Variants in CNTN5 observed in about 807,000 individuals in gnomAD.
The protein encoded by CNTN5 is contactin-5.
Under a neutral mutation model 129.1 loss-of-function variants are expected in CNTN5, and 77 were observed. The ratio of observed to expected loss-of-function variants is 0.60; its 90% confidence interval spans 0.50 to 0.72. The LOEUF (loss-of-function observed/expected upper bound fraction) is 0.72. Among genes scored for constraint, CNTN5 ranks in the 30% least tolerant of loss-of-function variants. CNTN5 has a pLI of 0.00. For synonymous variants in CNTN5, 509 were observed against 465.6 expected (o/e 1.09, Z -1.20); for missense variants, 1,478 against 1,328.8 (o/e 1.11, Z -1.75).
chr11:99,600,456 G>A (rs573187944), intron 3 of CNTN5, among the ~76,000 whole-genome samples: 18 of 152,234 alleles, frequency 1.2e-4, no homozygotes, highest in Non-Finnish European at 2.4e-4. Context: ...ATTGTAATGG[G>A]TAAGGGAAAG....
chr11:99,350,093 G>A (rs1053217932), intron 2 of CNTN5, among the ~76,000 whole-genome samples: 1 of 152,076 alleles, frequency 6.6e-6, no homozygotes, highest in African/African-American at 2.4e-5. Flanking sequence ...TTGATGGTGA[G>A]CTGTCTCCTA....
At chr11:99,362,612 CT>C (rs567616079) in intron 2 of CNTN5, among the ~76,000 whole-genome samples, 7 of 150,242 alleles carry the variant, frequency 4.7e-5, no homozygotes, top group East Asian at 2.0e-4. Flanking sequence ...ATAGTTTTAG[CT>C]TTTTTTTTCT....
intron 3 of CNTN5, among the ~76,000 whole-genome samples, chr11:99,696,806 A>G (rs1056616738): frequency 1.3e-5 from 2 of 152,018 alleles, no homozygotes; most frequent in Non-Finnish European, 2.9e-5. Context: ...GATTGCCTTT[A>G]AAGTGTTTGT....
intron 1 of CNTN5, among the ~76,000 whole-genome samples, chr11:99,256,183 C>T (rs1862367122): frequency 6.6e-6 from 1 of 151,968 alleles, no homozygotes; most frequent in South Asian, 2.1e-4. Flanking sequence ...GTGTTTTACC[C>T]ATTTTAGAGG....
At position 100,061,384 on chromosome 11, in the gene CNTN5, C is replaced by G; in HGVS notation, c.1153C>G (p.Gln385Glu). 6.3e-7 allele frequency: 1 copy of G among 1,589,124 alleles called. No homozygotes were observed. Among genetic ancestry groups the G allele is most frequent in the Non-Finnish European group, 8.6e-7 (1 of 1,161,278 alleles). Residue 385 changes from glutamine to glutamate, a missense_variant, in exon 10 of 25, where the codon CAA becomes GAA. By Grantham distance (29) the Gln-to-Glu change is conservative. Transcript: ENST00000524871. ...RGKNSFRGQL[Q>E]VYTYPHWVEK... Reference sequence around the variant, plus strand: ...AAAAAATTCCTTTCGTGGACAATTACAAGTATACAGTAAGTGTTTTCAGCA... The same window carrying G: ...AAAAAATTCCTTTCGTGGACAATTAGAAGTATACAGTAAGTGTTTTCAGCA...
At chr11:99,975,519 T>A (rs907719780) in intron 8 of CNTN5, among the ~76,000 whole-genome samples, 5 of 152,144 alleles carry the variant, frequency 3.3e-5, no homozygotes, top group African/African-American at 1.2e-4. Context: ...GACAGGGTAA[T>A]TTATAAAGAA....
At chr11:99,973,041 G>A (rs1293624003) in intron 8 of CNTN5, among the ~76,000 whole-genome samples, 1 of 151,698 alleles carries the variant, frequency 6.6e-6, no homozygotes, top group Non-Finnish European at 1.5e-5. Context: ...ATACTAGATA[G>A]GGTTGCCTAA....
At chr11:100,115,084 A>G (rs1945794925) in intron 13 of CNTN5, among the ~76,000 whole-genome samples, 2 of 137,582 alleles carry the variant, frequency 1.5e-5, no homozygotes, top group African/African-American at 2.7e-5. Context: ...GAAGGACTAC[A>G]TGAATTTTCT....
chr11:99,537,522 G>A (rs10790783), intron 2 of CNTN5, among the ~76,000 whole-genome samples: 37,650 of 151,644 alleles, frequency 0.25, 5,112 homozygotes, highest in Non-Finnish European at 0.31. Flanking sequence ...TACCAAGCAG[G>A]GTGTTCTTAT....
chr11:100,161,858 C>CAT (rs1445045966), intron 13 of CNTN5, among the ~76,000 whole-genome samples: 4 of 149,562 alleles, frequency 2.7e-5, no homozygotes, highest in African/African-American at 1.0e-4. Context: ...CACACACACA[C>CAT]ACACACACAC....
At chr11:99,704,300 A>G (rs1479843378) in intron 3 of CNTN5, among the ~76,000 whole-genome samples, 1 of 151,004 alleles carries the variant, frequency 6.6e-6, no homozygotes, top group Non-Finnish European at 1.5e-5. Context: ...ATGCCACGTT[A>G]AATGATTACA....
intron 18 of CNTN5, among the ~76,000 whole-genome samples, chr11:100,295,229 C>T (rs1951077589): frequency 6.6e-6 from 1 of 151,410 alleles, no homozygotes; most frequent in Non-Finnish European, 1.5e-5. Flanking sequence ...GCTATCTTGT[C>T]TTGAAAATAA....
chr11:99,783,985 G>T (rs1205564892), intron 3 of CNTN5, among the ~76,000 whole-genome samples: 2 of 151,884 alleles, frequency 1.3e-5, no homozygotes, highest in Non-Finnish European at 2.9e-5. Context: ...AAAAAAGTAT[G>T]AAATACCTAG....
At chr11:99,054,905 TAAAC>T (rs1177218352) in intron 1 of CNTN5, among the ~76,000 whole-genome samples, 3 of 151,956 alleles carry the variant, frequency 2.0e-5, no homozygotes. Flanking sequence ...GGAAGTTCGT[TAAAC>T]AAAAATTATT....
At chr11:100,353,611 A>G (rs1335356673) in intron 24 of CNTN5, among the ~76,000 whole-genome samples, 1 of 151,602 alleles carries the variant, frequency 6.6e-6, no homozygotes, top group Admixed American at 6.6e-5. Flanking sequence ...TTAAGCATGC[A>G]CATACGACTC....
chr11:99,530,845 T>C (rs1591228221), intron 2 of CNTN5, among the ~76,000 whole-genome samples: 1 of 152,158 alleles, frequency 6.6e-6, no homozygotes, highest in Admixed American at 6.6e-5. Context: ...TGATTATGAG[T>C]CTTCCTCAGC....
At chr11:99,805,523 G>C (rs1946242439) in intron 3 of CNTN5, among the ~76,000 whole-genome samples, 1 of 152,188 alleles carries the variant, frequency 6.6e-6, no homozygotes, top group African/African-American at 2.4e-5. Flanking sequence ...TGTTTTGGCA[G>C]CTGTAGACAC....
chr11:100,129,633 T>C (rs1946309719), intron 13 of CNTN5, among the ~76,000 whole-genome samples: 1 of 152,138 alleles, frequency 6.6e-6, no homozygotes, highest in African/African-American at 2.4e-5. Flanking sequence ...TTTTGGTCTC[T>C]TTTACATACA....
intron 15 of CNTN5, among the ~76,000 whole-genome samples, chr11:100,216,579 G>T (rs1407507650): frequency 6.6e-6 from 1 of 151,698 alleles, no homozygotes; most frequent in Non-Finnish European, 1.5e-5. Context: ...CTTGATACTA[G>T]ATAAGTGTCA....
Sources: allele counts gnomAD v4.1 joint callset (sites outside exome capture counted in the v4.1 genomes callset), GRCh38; gene constraint gnomAD v4.1.1; transcripts MANE v1.5; gene names NCBI Gene and HGNC (gene_info 2026-07-23, HGNC 2026-07-21).